RARB: variants seen among roughly 807,000 people sequenced by gnomAD.
RARB encodes the protein retinoic acid receptor beta, also known as HBV-activated protein.
RARB carries 17 observed loss-of-function variants against 51.9 expected under a neutral mutation model. The observed-to-expected ratio is 0.33, with a 90% CI of 0.22 to 0.49. The LOEUF (loss-of-function observed/expected upper bound fraction) is 0.49. RARB is among the 20% of genes least tolerant of loss of function. The pLI is 0.99. For synonymous variants in RARB, 215 were observed against 195.4 expected, an observed-to-expected ratio of 1.10 and a Z score of -0.84; for missense variants, 369 against 550.8, an observed-to-expected ratio of 0.67 and a Z score of 3.30.
chr3:25,178,446 T>A (rs570573388), intron 5 of RARB, among the ~76,000 whole-genome samples: 1 of 152,076 alleles, frequency 6.6e-6, no homozygotes, highest in South Asian at 2.1e-4. Context: ...AAGTTCCATT[T>A]TACAGATAAA....
At chr3:25,247,976 T>C (rs528830506) in intron 5 of RARB, among the ~76,000 whole-genome samples, 1 of 152,204 alleles carries the variant, frequency 6.6e-6, no homozygotes, top group Non-Finnish European at 1.5e-5. Flanking sequence ...GAGAGTGGAG[T>C]GTTGAAGTCC....
intron 5 of RARB, among the ~76,000 whole-genome samples, chr3:25,254,197 T>C (rs1407365763): frequency 6.6e-6 from 1 of 152,174 alleles, no homozygotes; most frequent in East Asian, 1.9e-4. Context: ...AGTTTAATAT[T>C]AAAAATTTGT....
chr3:25,071,597 G>T (rs1343789434), intron 3 of RARB, among the ~76,000 whole-genome samples: 1 of 152,182 alleles, frequency 6.6e-6, no homozygotes, highest in Admixed American at 6.5e-5. Flanking sequence ...AGACCACAAG[G>T]TTATATATTC....
At chr3:25,042,780 A>G (rs1195888078) in intron 2 of RARB, among the ~76,000 whole-genome samples, 1 of 152,208 alleles carries the variant, frequency 6.6e-6, no homozygotes, top group Non-Finnish European at 1.5e-5. Context: ...ATCTGTGATA[A>G]GTTTTTCAAT....
intron 5 of RARB, among the ~76,000 whole-genome samples, chr3:25,356,093 T>C (rs1705726317): frequency 6.6e-6 from 1 of 152,182 alleles, no homozygotes; most frequent in African/African-American, 2.4e-5. Flanking sequence ...TTCTTGCTGG[T>C]ATTCTGATTA....
At position 25,390,110 on chromosome 3, in the gene RARB, C is replaced by T. The variant is rs182776713; in HGVS notation, c.179-71083C>T. On this transcript the variant is annotated intron_variant, in intron 5 of 11. Coordinates refer to the RARB transcript ENST00000383772. Reference sequence around the variant, plus strand: ...AATTCATATGTTGAAACTTAATCACCGATATGATGACATTAAGAGGTGGGA... The same window carrying T: ...AATTCATATGTTGAAACTTAATCACTGATATGATGACATTAAGAGGTGGGA... Among the ~76,000 whole-genome samples, 32 of 152,100 alleles carry T rather than the reference C, an allele frequency of 2.1e-4. 1 individual carries two copies. In the East Asian group the frequency reaches 4.5e-3, roughly 21 times the overall value.
chr3:24,905,406 G>C (rs949747906), intron 2 of RARB, among the ~76,000 whole-genome samples: 1 of 152,150 alleles, frequency 6.6e-6, no homozygotes, highest in African/African-American at 2.4e-5. Flanking sequence ...TGACACATCT[G>C]ACCACATCTC....
At chr3:25,551,766 A>T (rs1699860859) in intron 3 of RARB, among the ~76,000 whole-genome samples, 1 of 152,180 alleles carries the variant, frequency 6.6e-6, no homozygotes, top group South Asian at 2.1e-4. Context: ...AGAATTCTTT[A>T]GATGGGCTGC....
At chr3:25,249,999 T>C (rs1702671081) in intron 5 of RARB, among the ~76,000 whole-genome samples, 1 of 97,180 alleles carries the variant, frequency 1.0e-5, no homozygotes, top group Admixed American at 8.9e-5. Flanking sequence ...GGGAAGATCT[T>C]CAGGCCCCTG....
chr3:25,312,272 A>G (rs1263028478), intron 5 of RARB, among the ~76,000 whole-genome samples: 1 of 152,184 alleles, frequency 6.6e-6, no homozygotes, highest in Non-Finnish European at 1.5e-5. Flanking sequence ...TTTTCTGTAG[A>G]TTTTGATAGC....
At chr3:25,324,072 A>G (rs1028064572) in intron 5 of RARB, 1 of 152,192 alleles carries the variant, frequency 6.6e-6, no homozygotes, top group Admixed American at 6.5e-5. Flanking sequence ...CTAGTCTCGG[A>G]TGAATTAGAA....
intron 2 of RARB, among the ~76,000 whole-genome samples, chr3:24,917,992 C>T (rs569356609): frequency 2.0e-5 from 3 of 152,290 alleles, no homozygotes; most frequent in South Asian, 2.1e-4. Context: ...AACAATTTGT[C>T]GGTTTTCTGA....
chr3:25,390,666 A>G (rs942141257), intron 5 of RARB, among the ~76,000 whole-genome samples: 1 of 152,198 alleles, frequency 6.6e-6, no homozygotes. Context: ...ATCCTATCAT[A>G]TTTATCAAGT....
At chr3:24,887,540 G>A (rs77108220) in intron 2 of RARB, among the ~76,000 whole-genome samples, 7,860 of 152,200 alleles carry the variant, frequency 0.052, 373 homozygotes, top group East Asian at 0.18. Flanking sequence ...TAAATGGCTA[G>A]CAAATACTTA....
chr3:25,186,722 G>A (rs1456545547), intron 5 of RARB, among the ~76,000 whole-genome samples: 5 of 151,946 alleles, frequency 3.3e-5, no homozygotes, highest in African/African-American at 7.2e-5. Flanking sequence ...TTTATAAATT[G>A]TAGAAAAGAA....
intron 5 of RARB, among the ~76,000 whole-genome samples, chr3:25,271,962 T>G (rs914682348): frequency 1.3e-5 from 2 of 152,200 alleles, no homozygotes; most frequent in Non-Finnish European, 2.9e-5. Context: ...GAGAACTTCC[T>G]TGCATTGTGT....
At chr3:25,002,423 A>C (rs1007384776) in intron 2 of RARB, among the ~76,000 whole-genome samples, 1 of 152,176 alleles carries the variant, frequency 6.6e-6, no homozygotes, top group African/African-American at 2.4e-5. Context: ...GGAATGAATC[A>C]ACTAATGACA....
Position 25,428,521 on chromosome 3 carries a change from C to A in RARB, c.-211C>A. 6 of 1,274,434 alleles carry A rather than the reference C, an allele frequency of 4.7e-6. No individual in the cohort carries two copies. The highest frequency in any genetic ancestry group is 5.9e-6 in the Non-Finnish European group (6 of 1,010,856). 78.9% of individuals were successfully genotyped at this position (1,274,434 alleles called of 1,614,324 possible). A position where few individuals can be genotyped will look rare whatever the true frequency, so the allele number is the denominator to read the frequency against. On this transcript the variant is annotated 5_prime_UTR_variant, in exon 1 of 8. Coordinates refer to ENST00000330688, the MANE Select transcript of RARB (RefSeq NM_000965.5). ...GCCCCGGCTGGATTGGCCGAGCAAGCCTGGAAAATGGTAAATGATCATTTG... is the reference window on the plus strand; with the variant it reads ...GCCCCGGCTGGATTGGCCGAGCAAGACTGGAAAATGGTAAATGATCATTTG...
intron 2 of RARB, among the ~76,000 whole-genome samples, chr3:25,021,884 GA>G (rs1170253598): frequency 2.6e-5 from 4 of 152,100 alleles, no homozygotes; most frequent in African/African-American, 9.7e-5. Flanking sequence ...CTGAATTACT[GA>G]GGCAGATTGT....
Sources: gnomAD v4.1 joint callset for allele counts (sites outside exome capture counted in the v4.1 genomes callset) on GRCh38, gnomAD v4.1.1 for gene constraint, MANE v1.5 for transcripts, NCBI Gene and HGNC (gene_info 2026-07-23, HGNC 2026-07-21) for gene names.